CLOCK: variants seen among roughly 807,000 people sequenced by gnomAD.
CLOCK encodes clock circadian regulator, also known as circadian locomoter output cycles protein kaput.
A neutral mutation model predicts 118.4 loss-of-function variants in CLOCK; 43 were observed. The observed-to-expected ratio is 0.36, with a 90% CI of 0.28 to 0.47. CLOCK has a LOEUF of 0.47. CLOCK is among the 20% of genes least tolerant of loss of function. The pLI, the probability that CLOCK is intolerant of heterozygous loss-of-function variation, is 1.00. For synonymous variants in CLOCK, 326 were observed against 339.2 expected (o/e 0.96, Z 0.43); for missense variants, 846 against 999.9 (o/e 0.85, Z 2.08).
chr4:55,465,243 C>A (rs1725656895), intron 8 of CLOCK, among the ~76,000 whole-genome samples: 1 of 151,792 alleles, frequency 6.6e-6, no homozygotes, highest in Admixed American at 6.6e-5. Flanking sequence ...TATAAATAAT[C>A]TAGAAATGAT....
In CLOCK at chr4:55,429,727, T is replaced by A. The variant is rs1277362526; in HGVS notation, c.*5688A>T. On this transcript the variant is annotated 3_prime_UTR_variant, in exon 23 of 23. Coordinates refer to ENST00000513440, the MANE Select transcript of CLOCK (RefSeq NM_004898.4). ...CTGGCCTTTGACTGTGTTGGGGAAG[T>A]AATCACACAAAAAGTGCCCATAAAA... 1 of 152,186 alleles carries A rather than the reference T, an allele frequency of 6.6e-6. No homozygotes were observed. The highest frequency in any genetic ancestry group is 2.4e-5 in the African/African-American group (1 of 41,432). The allele number at this position is 152,186 out of a possible 1,614,324, so 9.4% of individuals were successfully genotyped here.
chr4:55,513,841 T>A (rs575092873), intron 1 of CLOCK, among the ~76,000 whole-genome samples: 7 of 152,190 alleles, frequency 4.6e-5, no homozygotes, highest in Admixed American at 3.9e-4. Context: ...TTATATATAT[T>A]TTATTAGATT....
rs367946407 is a variant in CLOCK, at chr4:55,434,004, G to A, written c.*1411C>T. On this transcript the variant is annotated 3_prime_UTR_variant, in exon 23 of 23. Coordinates refer to ENST00000513440, the MANE Select transcript of CLOCK (RefSeq NM_004898.4). ...TAGGATCACATTAATAACTATGATA[G>A]TGTTAGGTTATCATCTTTTATTTCT... 56 of 152,532 alleles carry A rather than the reference G, an allele frequency of 3.7e-4. No homozygotes were observed. Among genetic ancestry groups the A allele is most frequent in the African/African-American group, 1.3e-3 (52 of 41,442 alleles). 9.4% of individuals were successfully genotyped at this position (152,532 alleles called of 1,614,324 possible).
At chr4:55,531,062 T>A (rs1730509976) in intron 1 of CLOCK, among the ~76,000 whole-genome samples, 1 of 151,758 alleles carries the variant, frequency 6.6e-6, no homozygotes, top group South Asian at 2.1e-4. Flanking sequence ...TATATTTCTC[T>A]AAAGAAAAAA....
chr4:55,451,790 T>C (rs1724477476), intron 15 of CLOCK, among the ~76,000 whole-genome samples: 2 of 152,210 alleles, frequency 1.3e-5, no homozygotes, highest in South Asian at 4.1e-4. Context: ...ACATACTATG[T>C]CCTCTTCTTC....
intron 6 of CLOCK, among the ~76,000 whole-genome samples, chr4:55,476,442 C>A (rs1726516605): frequency 6.6e-6 from 1 of 152,060 alleles, no homozygotes; most frequent in African/African-American, 2.4e-5. Context: ...TAGAGCAGCA[C>A]TAGGGAAATT....
chr4:55,528,911 G>C (rs928679597), intron 1 of CLOCK, among the ~76,000 whole-genome samples: 3 of 152,158 alleles, frequency 2.0e-5, no homozygotes, highest in African/African-American at 7.2e-5. Flanking sequence ...CAGGTTCCCT[G>C]ATCTTTTGCC....
At chr4:55,504,300 A>C (rs1033553669) in intron 2 of CLOCK, among the ~76,000 whole-genome samples, 2 of 150,694 alleles carry the variant, frequency 1.3e-5, no homozygotes, top group African/African-American at 2.4e-5. Flanking sequence ...AAAAAAAAAA[A>C]AAAAAAACAC....
chr4:55,444,210 C>T (rs947479242), intron 19 of CLOCK, among the ~76,000 whole-genome samples: 17 of 152,108 alleles, frequency 1.1e-4, no homozygotes, highest in Admixed American at 1.1e-3. Flanking sequence ...TTTCCCTTTA[C>T]CAAAGTCATA....
At chr4:55,465,770 G>A (rs192346880) in intron 8 of CLOCK, among the ~76,000 whole-genome samples, 1 of 152,188 alleles carries the variant, frequency 6.6e-6, no homozygotes, top group Non-Finnish European at 1.5e-5. Flanking sequence ...TGGCTAACAT[G>A]GAGAAACCTT....
chr4:55,492,262 C>T (rs1727751378), intron 2 of CLOCK, among the ~76,000 whole-genome samples: 2 of 151,664 alleles, frequency 1.3e-5, no homozygotes, highest in Admixed American at 6.6e-5. Flanking sequence ...AATCCATGTG[C>T]TACACCACAT....
At chr4:55,475,237 G>A (rs1029585517) in intron 7 of CLOCK, among the ~76,000 whole-genome samples, 1 of 152,192 alleles carries the variant, frequency 6.6e-6, no homozygotes, top group African/African-American at 2.4e-5. Flanking sequence ...GGTAGAAACG[G>A]CAAGAGAATT....
rs1725536905 is a variant in CLOCK at position 55,463,812 on chromosome 4, A to C, written c.439-7T>G. Reference sequence around the variant, plus strand: ...TTTGATCCACAAGATCAGACTGAAAAGAAAATTGTTAAAAGTAAAATAACT... The same window carrying C: ...TTTGATCCACAAGATCAGACTGAAACGAAAATTGTTAAAAGTAAAATAACT... On this transcript the variant is annotated splice_region_variant and splice_polypyrimidine_tract_variant and intron_variant, in intron 8 of 22. Transcript: ENST00000513440. The C allele has an allele frequency of 6.2e-6, 10 of 1,606,140 alleles. No homozygotes were observed. Among genetic ancestry groups the C allele is most frequent in the Non-Finnish European group, 8.5e-6 (10 of 1,175,048 alleles).
chr4:55,466,986 C>G (rs1725779913), intron 8 of CLOCK, among the ~76,000 whole-genome samples: 1 of 152,126 alleles, frequency 6.6e-6, no homozygotes, highest in Non-Finnish European at 1.5e-5. Context: ...ATGACACAAA[C>G]AATTTTTTAA....
intron 1 of CLOCK, among the ~76,000 whole-genome samples, chr4:55,512,352 C>T (rs1178553811): frequency 1.3e-5 from 2 of 151,360 alleles, no homozygotes; most frequent in Non-Finnish European, 2.9e-5. Context: ...CATCTTTTCA[C>T]ATGCTTCTTG....
chr4:55,537,058 C>T (rs1257461890), intron 1 of CLOCK, among the ~76,000 whole-genome samples: 1 of 152,132 alleles, frequency 6.6e-6, no homozygotes, highest in African/African-American at 2.4e-5. Context: ...TTAAAAATAA[C>T]AATGATCTCT....
chr4:55,525,965 A>G (rs1730158750), intron 1 of CLOCK, among the ~76,000 whole-genome samples: 1 of 152,200 alleles, frequency 6.6e-6, no homozygotes, highest in Non-Finnish European at 1.5e-5. Flanking sequence ...CCCTAATACA[A>G]AAATCCAGAA....
intron 2 of CLOCK, among the ~76,000 whole-genome samples, chr4:55,503,090 T>A (rs1728540778): frequency 6.6e-6 from 1 of 152,196 alleles, no homozygotes; most frequent in South Asian, 2.1e-4. Flanking sequence ...AAAACTAGGA[T>A]AATCTCCTAA....
intron 6 of CLOCK, among the ~76,000 whole-genome samples, chr4:55,477,426 C>T (rs12506788): frequency 0.34 from 51,380 of 151,364 alleles, 9,402 homozygotes; most frequent in East Asian, 0.58. Context: ...GACACATTTA[C>T]GAAAGAATCA....
Sources: allele counts gnomAD v4.1 joint callset (sites outside exome capture counted in the v4.1 genomes callset), GRCh38; gene constraint gnomAD v4.1.1; transcripts MANE v1.5; gene names NCBI Gene and HGNC (gene_info 2026-07-23, HGNC 2026-07-21).